Variants in TMEM114 observed in about 807,000 individuals in gnomAD.
The protein encoded by TMEM114 is transmembrane protein 114.
In TMEM114, 6 loss-of-function variants were observed where a neutral mutation model predicts 6.2. The observed-to-expected ratio is 0.97, with a 90% CI of 0.53 to 1.91. TMEM114 has a LOEUF of 1.91. Ranked by LOEUF, TMEM114 falls within the 40% of genes most tolerant of loss-of-function variation. TMEM114 has a pLI of 0.01. For missense variants in TMEM114, 218 were observed against 158.3 expected (o/e 1.38, Z -2.02); for synonymous variants, 104 against 73.0 (o/e 1.42, Z -2.16).
downstream of TMEM114, among the ~76,000 whole-genome samples, chr16:8,565,783 A>T (rs1481383949): frequency 5.9e-5 from 9 of 152,160 alleles, no homozygotes; most frequent in Admixed American, 5.9e-4. Flanking sequence ...AACTTTGTGA[A>T]CATAACAATG....
At chr16:8,549,361 G>T (rs1322721864) in intron 2 of TMEM114, among the ~76,000 whole-genome samples, 4 of 151,676 alleles carry the variant, frequency 2.6e-5, no homozygotes, top group Admixed American at 6.6e-5. Context: ...TTAGCCCGAA[G>T]TGGTGGTGGG....
At chr16:8,577,598 T>G (rs1469827453) in intron 2 of TMEM114, among the ~76,000 whole-genome samples, 1 of 152,192 alleles carries the variant, frequency 6.6e-6, no homozygotes, top group South Asian at 2.1e-4. Flanking sequence ...TTTGTTTTTT[T>G]TTTGAGATTG....
intron 2 of TMEM114, among the ~76,000 whole-genome samples, chr16:8,583,176 C>A (rs962456204): frequency 1.3e-5 from 2 of 152,160 alleles, no homozygotes; most frequent in Non-Finnish European, 2.9e-5. Flanking sequence ...CACACAGCAA[C>A]TGTCTCATCA....
chr16:8,572,978 G>C (rs1421823720), intron 2 of TMEM114, among the ~76,000 whole-genome samples: 1 of 152,228 alleles, frequency 6.6e-6, no homozygotes, highest in East Asian at 1.9e-4. Flanking sequence ...CTTCTCCCAA[G>C]GCTGGCTTCA....
chr16:8,540,394 C>A (rs909420865), intron 2 of TMEM114, among the ~76,000 whole-genome samples: 2 of 152,160 alleles, frequency 1.3e-5, no homozygotes, highest in Non-Finnish European at 2.9e-5. Context: ...GTTTCCTCAA[C>A]TGTGAAATAA....
intron 2 of TMEM114, among the ~76,000 whole-genome samples, chr16:8,558,577 G>A (rs1211329412): frequency 2.6e-5 from 4 of 152,172 alleles, no homozygotes; most frequent in African/African-American, 9.7e-5. Context: ...TTTATAGGTA[G>A]TGAAGTTACA....
intron 2 of TMEM114, among the ~76,000 whole-genome samples, chr16:8,582,006 C>T (rs1276334438): frequency 6.6e-6 from 1 of 152,188 alleles, no homozygotes; most frequent in Non-Finnish European, 1.5e-5. Context: ...TCCCTCACCT[C>T]CTCCACTCTT....
At chr16:8,562,050 G>A (rs796660524) in intron 2 of TMEM114, among the ~76,000 whole-genome samples, 7 of 151,894 alleles carry the variant, frequency 4.6e-5, no homozygotes, top group Non-Finnish European at 8.8e-5. Flanking sequence ...ATGAGTGAGT[G>A]AGTGAATGAG....
rs1400016569 is a variant in TMEM114 at position 8,588,694 on chromosome 16, G to T, written c.301+519C>A. Among the ~76,000 whole-genome samples the T allele has an allele frequency of 4.6e-5, 7 of 152,292 alleles. No individual in the cohort carries two copies. The South Asian group carries it at 1.2e-3, about 27-fold the overall frequency. On this transcript the variant is annotated intron_variant, in intron 2 of 3. Coordinates refer to ENST00000620492, the MANE Select transcript of TMEM114 (RefSeq NM_001146336.2). ...GCTGTTCCCACCTCCTAATTGCCTGGCTCCAATCATATATTTATATGCAAA... is the reference window on the plus strand; with the variant it reads ...GCTGTTCCCACCTCCTAATTGCCTGTCTCCAATCATATATTTATATGCAAA...
At chr16:8,533,583 A>G (rs539727628), downstream of TMEM114, among the ~76,000 whole-genome samples, 1 of 152,256 alleles carries the variant, frequency 6.6e-6, no homozygotes, top group South Asian at 2.1e-4. Context: ...CCAGAGCTTT[A>G]AACAACCAAG....
chr16:8,526,704 A>G, the TMEM114 span: 3 of 151,972 alleles, frequency 2.0e-5, no homozygotes, highest in Admixed American at 6.5e-5. Context: ...ACAATTAAAC[A>G]TCTTTTTTTT....
chr16:8,545,623 G>A (rs1026687324), intron 2 of TMEM114, among the ~76,000 whole-genome samples: 1 of 152,152 alleles, frequency 6.6e-6, no homozygotes, highest in African/African-American at 2.4e-5. Context: ...TAATTCAGTA[G>A]ATCATTAGTG....
At chr16:8,527,566 G>C in the TMEM114 span, among the ~76,000 whole-genome samples, 16 of 152,140 alleles carry the variant, frequency 1.1e-4, no homozygotes, top group African/African-American at 3.9e-4. Flanking sequence ...ATGGAATTTT[G>C]CGTGTTTTTA....
chr16:8,526,566 A>T, the TMEM114 span: 6 of 151,952 alleles, frequency 3.9e-5, no homozygotes, highest in African/African-American at 1.5e-4. Flanking sequence ...GATAGAGCCA[A>T]TATTTATTTT....
intron 2 of TMEM114, among the ~76,000 whole-genome samples, chr16:8,575,016 C>A (rs1901871076): frequency 6.6e-6 from 1 of 152,168 alleles, no homozygotes; most frequent in Non-Finnish European, 1.5e-5. Flanking sequence ...CTAGCCACAT[C>A]TCTGAATGCA....
intron 2 of TMEM114, among the ~76,000 whole-genome samples, chr16:8,585,049 G>A (rs1902277828): frequency 6.6e-6 from 1 of 152,144 alleles, no homozygotes; most frequent in Non-Finnish European, 1.5e-5. Flanking sequence ...GGCTGGGGAG[G>A]CCTCACAATC....
chr16:8,587,958 G>T (rs904861148), intron 2 of TMEM114, among the ~76,000 whole-genome samples: 6 of 151,692 alleles, frequency 4.0e-5, no homozygotes, highest in Non-Finnish European at 7.4e-5. Context: ...AGACCAGCCT[G>T]GGAAACATAG....
rs989997739 is a variant in TMEM114, at chr16:8,569,705, G to C, written c.*68C>G. On this transcript the variant is annotated 3_prime_UTR_variant, in exon 4 of 4. Transcript: ENST00000620492. ...CTTTGAGGAAGAAGAGGCCGCAGCC[G>C]ATGGAGATCGGTCGGTGAAGCTCCG... The C allele has an allele frequency of 1.4e-6, 2 of 1,479,868 alleles. No individual in the cohort carries two copies. Among genetic ancestry groups the C allele is most frequent in the African/African-American group, 1.4e-5 (1 of 71,068 alleles). The allele number at this position is 1,479,868 out of a possible 1,614,324, so 91.7% of individuals were successfully genotyped here.
At chr16:8,560,380 C>G (rs564013856) in intron 2 of TMEM114, among the ~76,000 whole-genome samples, 2 of 152,078 alleles carry the variant, frequency 1.3e-5, no homozygotes, top group African/African-American at 2.4e-5. Context: ...TGGGCATCCT[C>G]TCCTTGGACA....
Sources: allele counts gnomAD v4.1 joint callset (sites outside exome capture counted in the v4.1 genomes callset), GRCh38; gene constraint gnomAD v4.1.1; transcripts MANE v1.5; gene names NCBI Gene and HGNC (gene_info 2026-07-23, HGNC 2026-07-21).